Variants in GRID1 observed in about 807,000 individuals in gnomAD.
GRID1 encodes the protein glutamate receptor ionotropic, delta-1.
In GRID1, 28 loss-of-function variants were observed where a neutral mutation model predicts 98.0. The observed-to-expected ratio is 0.29, with a 90% CI of 0.21 to 0.39. The LOEUF (loss-of-function observed/expected upper bound fraction) is 0.39. Among genes scored for constraint, GRID1 ranks in the 10% least tolerant of loss-of-function variants. The pLI is 1.00. For synonymous variants in GRID1, 553 were observed against 538.5 expected, an observed-to-expected ratio of 1.03 and a Z score of -0.37; for missense variants, 1,111 against 1,340.5, an observed-to-expected ratio of 0.83 and a Z score of 2.67.
At chr10:86,218,230 G>A (rs1187338318) in intron 2 of GRID1, among the ~76,000 whole-genome samples, 1 of 152,080 alleles carries the variant, frequency 6.6e-6, no homozygotes, top group African/African-American at 2.4e-5. Flanking sequence ...GTGTATGGGT[G>A]GAAATTACTC....
intron 8 of GRID1, among the ~76,000 whole-genome samples, chr10:85,789,027 A>G (rs1842454878): frequency 6.6e-6 from 1 of 152,188 alleles, no homozygotes; most frequent in African/African-American, 2.4e-5. Context: ...AGGGAAAAAA[A>G]ACAAAAGATA....
chr10:85,998,895 G>A lies in GRID1; in HGVS notation c.727-82656C>T, dbSNP rs150887788. On this transcript the variant is annotated intron_variant, in intron 4 of 15. Transcript: ENST00000327946. ...TACACTTAAACCTAGCAGCTTAGAT[G>A]ACATAGAACACCAACTCATTGAAAA... is the stretch of plus-strand genomic sequence containing the variant. Among the ~76,000 whole-genome samples the A allele has an allele frequency of 3.9e-5, 6 of 152,324 alleles. No individual in the cohort carries two copies. The East Asian group carries it at 1.2e-3, about 29-fold the overall frequency.
intron 8 of GRID1, among the ~76,000 whole-genome samples, chr10:85,751,406 C>T (rs1044153756): frequency 6.6e-6 from 1 of 152,190 alleles, no homozygotes; most frequent in Non-Finnish European, 1.5e-5. Flanking sequence ...AAGAAAGCAT[C>T]ACATCCAAGA....
chr10:86,127,115 G>C (rs529465431), intron 4 of GRID1, among the ~76,000 whole-genome samples: 293 of 152,312 alleles, frequency 1.9e-3, no homozygotes, highest in African/African-American at 6.6e-3. Flanking sequence ...CAGCTATGCG[G>C]CCCCCTTCCC....
chr10:85,718,566 C>T (rs1382798117), intron 12 of GRID1, among the ~76,000 whole-genome samples: 4 of 152,208 alleles, frequency 2.6e-5, no homozygotes, highest in East Asian at 3.8e-4. Context: ...CTCAACACCA[C>T]GTGAAAGCTG....
At chr10:85,865,922 T>TATATATATATAC (rs1554836182) in intron 6 of GRID1, among the ~76,000 whole-genome samples, 7 of 111,628 alleles carry the variant, frequency 6.3e-5, no homozygotes, top group African/African-American at 2.2e-4. Context: ...CATATATATA[T>TATATATATATAC]ATATATATAT....
intron 8 of GRID1, among the ~76,000 whole-genome samples, chr10:85,766,123 G>A (rs1842195613): frequency 6.6e-6 from 1 of 152,218 alleles, no homozygotes; most frequent in African/African-American, 2.4e-5. Flanking sequence ...AACCAAGTAA[G>A]AAGCCAGCCA....
At chr10:85,675,710 A>G (rs1396485409) in intron 12 of GRID1, among the ~76,000 whole-genome samples, 2 of 152,242 alleles carry the variant, frequency 1.3e-5, no homozygotes, top group African/African-American at 4.8e-5. Flanking sequence ...ATGTTCTTTC[A>G]ATGTCCAGCA....
Position 85,602,325 on chromosome 10 carries a change from G to C in GRID1, c.2978C>G (p.Pro993Arg), listed in dbSNP as rs1247765599. Residue 993 changes from proline (P) to arginine (R), a missense_variant, in exon 16 of 16, where the codon CCT (proline) becomes CGT (arginine). Transcript: ENST00000327946. ...TPIPMSFQPV[P>R]GGVLPEALDT... ...CAGAGCCTCTGGAAGGACGCCTCCA[G>C]GCACGGGCTGGAAGGACATGGGGAT... 8.3e-6 allele frequency: 13 copies of C among 1,557,812 alleles called. No homozygotes were observed. Among genetic ancestry groups the C allele is most frequent in the Non-Finnish European group, 1.0e-5 (12 of 1,150,684 alleles).
chr10:86,103,032 G>A (rs1333041577), intron 4 of GRID1, among the ~76,000 whole-genome samples: 2 of 152,118 alleles, frequency 1.3e-5, no homozygotes, highest in Non-Finnish European at 2.9e-5. Context: ...TGCCATGATT[G>A]TGAGGCCTCC....
chr10:85,865,542 G>C (rs147981451), intron 6 of GRID1, among the ~76,000 whole-genome samples: 181 of 152,234 alleles, frequency 1.2e-3, no homozygotes, highest in African/African-American at 4.0e-3. Context: ...AGATGGACTG[G>C]AGAGCTCCAT....
chr10:85,968,592 T>A (rs1842369146), intron 4 of GRID1, among the ~76,000 whole-genome samples: 2 of 152,052 alleles, frequency 1.3e-5, no homozygotes, highest in South Asian at 4.1e-4. Context: ...TAAAGCAAAG[T>A]TTTTGCATAA....
chr10:85,998,914 T>C (rs1243614748), intron 4 of GRID1, among the ~76,000 whole-genome samples: 3 of 152,134 alleles, frequency 2.0e-5, no homozygotes, highest in East Asian at 1.9e-4. Context: ...CACCAACTCA[T>C]TGAAAAACAC....
At chr10:86,024,986 G>T (rs1843098194) in intron 4 of GRID1, among the ~76,000 whole-genome samples, 3 of 152,212 alleles carry the variant, frequency 2.0e-5, no homozygotes, top group Admixed American at 2.0e-4. Flanking sequence ...TGAGGAGTTT[G>T]CAGTGTCAGT....
intron 4 of GRID1, among the ~76,000 whole-genome samples, chr10:86,028,250 C>T (rs952891392): frequency 3.3e-5 from 5 of 152,358 alleles, no homozygotes; most frequent in Admixed American, 3.3e-4. Flanking sequence ...TGCACTACAG[C>T]AGCTGTGCAA....
chr10:85,853,715 A>G (rs1450670891), intron 8 of GRID1, among the ~76,000 whole-genome samples: 1 of 152,172 alleles, frequency 6.6e-6, no homozygotes, highest in Non-Finnish European at 1.5e-5. Flanking sequence ...ACCACATCCA[A>G]GGTCCTTCAC....
intron 4 of GRID1, among the ~76,000 whole-genome samples, chr10:86,101,942 A>G (rs1475564317): frequency 2.0e-5 from 3 of 152,202 alleles, no homozygotes; most frequent in Non-Finnish European, 4.4e-5. Context: ...TCCATTCACC[A>G]GCTGAAGGAC....
chr10:85,859,519 G>A (rs549727329), intron 6 of GRID1, among the ~76,000 whole-genome samples: 7 of 152,266 alleles, frequency 4.6e-5, no homozygotes, highest in Admixed American at 1.3e-4. Context: ...TATAGAAAAT[G>A]GATAGCAGAT....
intron 2 of GRID1, among the ~76,000 whole-genome samples, chr10:86,270,709 A>C (rs1420640870): frequency 6.6e-6 from 1 of 152,108 alleles, no homozygotes; most frequent in Non-Finnish European, 1.5e-5. Context: ...TAATAATAAT[A>C]AAAACAATTT....
Sources: allele counts gnomAD v4.1 joint callset (sites outside exome capture counted in the v4.1 genomes callset), GRCh38; gene constraint gnomAD v4.1.1; transcripts MANE v1.5; gene names NCBI Gene and HGNC (gene_info 2026-07-23, HGNC 2026-07-21).